Variants in FBLN2 observed in about 807,000 individuals in gnomAD.
The protein encoded by FBLN2 is fibulin-2.
FBLN2 carries 81 observed loss-of-function variants against 123.7 expected under a neutral mutation model. The ratio of observed to expected loss-of-function variants is 0.65; its 90% CI spans 0.55 to 0.79. The LOEUF (loss-of-function observed/expected upper bound fraction) is 0.79, where lower values mean the gene tolerates loss of function less well. FBLN2 is among the 30% of genes least tolerant of loss of function. FBLN2 has a pLI of 0.00. For synonymous variants in FBLN2, 699 were observed against 701.4 expected (o/e 1.00, Z 0.05); for missense variants, 1,603 against 1,681.3 (o/e 0.95, Z 0.81).
At chr3:13,586,972 C>T (rs1429899841) in intron 2 of FBLN2, among the ~76,000 whole-genome samples, 9 of 150,870 alleles carry the variant, frequency 6.0e-5, no homozygotes, top group Admixed American at 5.9e-4. Flanking sequence ...TGGTAAAACC[C>T]CATCTCTACT....
intron 16 of FBLN2, among the ~76,000 whole-genome samples, chr3:13,635,109 CTCTG>C (rs541485993): frequency 3.5e-4 from 54 of 152,330 alleles, no homozygotes; most frequent in African/African-American, 1.3e-3. Flanking sequence ...CCACACCCTC[CTCTG>C]TCTGAGGAAG....
intron 3 of FBLN2, among the ~76,000 whole-genome samples, chr3:13,608,421 C>A (rs556808822): frequency 1.3e-5 from 2 of 152,206 alleles, no homozygotes; most frequent in East Asian, 3.8e-4. Context: ...GAGCAAGATC[C>A]GAGGAATGTA....
intron 2 of FBLN2, among the ~76,000 whole-genome samples, chr3:13,580,641 G>A (rs866040250): frequency 2.0e-5 from 3 of 152,176 alleles, no homozygotes; most frequent in South Asian, 2.1e-4. Context: ...CACCCACCTC[G>A]TCTGATGGTT....
intron 2 of FBLN2, among the ~76,000 whole-genome samples, chr3:13,603,487 G>A (rs2124873472): frequency 6.7e-6 from 1 of 149,374 alleles, no homozygotes; most frequent in East Asian, 2.0e-4. Context: ...AACATGCAGT[G>A]TTGGTTTTCT....
At chr3:13,561,793 G>A (rs957287915) in intron 1 of FBLN2, among the ~76,000 whole-genome samples, 1 of 152,112 alleles carries the variant, frequency 6.6e-6, no homozygotes, top group Non-Finnish European at 1.5e-5. Context: ...TGGGCTGGCC[G>A]GTAGCAACTG....
At chr3:13,607,795 A>T (rs897841947) in intron 2 of FBLN2, among the ~76,000 whole-genome samples, 2 of 152,018 alleles carry the variant, frequency 1.3e-5, no homozygotes, top group Admixed American at 1.3e-4. Context: ...CCCCCATAGA[A>T]CTGGCTGCTT....
At chr3:13,596,508 A>G (rs959410508) in intron 2 of FBLN2, among the ~76,000 whole-genome samples, 4 of 152,250 alleles carry the variant, frequency 2.6e-5, no homozygotes, top group Non-Finnish European at 5.9e-5. Flanking sequence ...CCCTACAAGG[A>G]GAATTGCAGG....
chr3:13,634,533 G>C (rs1035322438), intron 16 of FBLN2, among the ~76,000 whole-genome samples: 4 of 152,262 alleles, frequency 2.6e-5, no homozygotes, highest in Non-Finnish European at 5.9e-5. Context: ...AGGGTCACTG[G>C]AGCGGGCCAC....
chr3:13,602,670 AT>A (rs1705071550), intron 2 of FBLN2, among the ~76,000 whole-genome samples: 2 of 152,126 alleles, frequency 1.3e-5, no homozygotes, highest in Non-Finnish European at 2.9e-5. Context: ...TTGAATGGGA[AT>A]TTTTTCCTAT....
In FBLN2 at chr3:13,604,695, C is replaced by G. The variant is rs75100043; in HGVS notation, c.1307-3367C>G. ...CAGTGGGGGATGTGTCTAATGTTCC[C>G]CCATTGAGTATGATGTTTGCTATGT... On this transcript the variant is annotated intron_variant, in intron 2 of 17. Transcript: ENST00000404922. Among the ~76,000 whole-genome samples, 457 of 152,248 alleles carry G rather than the reference C, an allele frequency of 3.0e-3. 3 individuals are homozygous for G. The highest frequency in any genetic ancestry group is 0.011 in the African/African-American group (444 of 41,540).
intron 2 of FBLN2, among the ~76,000 whole-genome samples, chr3:13,584,896 T>C (rs1350487814): frequency 6.6e-6 from 1 of 152,182 alleles, no homozygotes; most frequent in African/African-American, 2.4e-5. Context: ...AGATGCCATG[T>C]TGGCGGTGGG....
chr3:13,627,142 TA>T (rs1480525200), intron 10 of FBLN2, among the ~76,000 whole-genome samples: 1 of 151,620 alleles, frequency 6.6e-6, no homozygotes, highest in Non-Finnish European at 1.5e-5. Context: ...GGGGCCCCTG[TA>T]AGTGGTGGGT....
intron 4 of FBLN2, among the ~76,000 whole-genome samples, chr3:13,610,411 G>A (rs1206923488): frequency 3.3e-5 from 5 of 152,158 alleles, no homozygotes; most frequent in Admixed American, 3.3e-4. Flanking sequence ...GGTGGGATTG[G>A]GATGGGGTAA....
At position 13,614,226 on chromosome 3, in the gene FBLN2, C is replaced by T; in HGVS notation, c.1729+62C>T. ...CGAAGGCTGGTTGACCTCTGGCCTT[C>T]TGTGGGGACCCTGGGTCCATCATCA... On this transcript the variant is annotated intron_variant, in intron 5 of 17. Coordinates refer to ENST00000404922, the MANE Select transcript of FBLN2 (RefSeq NM_001004019.2). 2.0e-6 allele frequency: 3 copies of T among 1,521,152 alleles called. No homozygotes were observed. The East Asian group carries it at 6.9e-5, about 35-fold the overall frequency. The allele number at this position is 1,521,152 out of a possible 1,614,324, so 94.2% of individuals were successfully genotyped here.
chr3:13,629,281 G>T lies in FBLN2; in HGVS notation c.2831G>T (p.Arg944Leu), dbSNP rs368476825. ...KAGFQRDAFG[R>L]GCIDVNECWA... The stretch of plus-strand genomic sequence containing the variant: ...GGCTTTCAGCGGGATGCCTTTGGCC[G>T]GGGCTGCATCGGTAGGTAGGCTGGT... Residue 944 changes from arginine to leucine, a missense_variant, in exon 13 of 18, where the codon CGG becomes CTG. Coordinates refer to ENST00000404922, the MANE Select transcript of FBLN2 (RefSeq NM_001004019.2). 1.9e-6 allele frequency: 3 copies of T among 1,608,814 alleles called. No homozygotes were observed. Among genetic ancestry groups the T allele is most frequent in the Non-Finnish European group, 2.5e-6 (3 of 1,178,426 alleles).
intron 1 of FBLN2, among the ~76,000 whole-genome samples, chr3:13,569,387 G>A (rs1703848747): frequency 6.6e-6 from 1 of 152,118 alleles, no homozygotes; most frequent in Non-Finnish European, 1.5e-5. Flanking sequence ...AGGCCAGACT[G>A]GGTTCCCTGG....
At chr3:13,637,445 G>C in intron 17 of FBLN2, 117 bp from the exon 18 acceptor site, 1 of 937,876 alleles carries the variant, frequency 1.1e-6, no homozygotes, top group South Asian at 1.7e-5. Flanking sequence ...GAGGCTTCCC[G>C]GCCATTAGGG....
chr3:13,621,054 C>A (rs999407744), intron 8 of FBLN2, among the ~76,000 whole-genome samples: 16 of 152,216 alleles, frequency 1.1e-4, no homozygotes, highest in African/African-American at 3.6e-4. Context: ...CCTTTGGGCC[C>A]AGCCCTGTGA....
At position 13,549,144 on chromosome 3, in the gene FBLN2, C is replaced by G. The variant is rs1703254090; in HGVS notation, c.-106C>G. On this transcript the variant is annotated 5_prime_UTR_variant, in exon 1 of 18. Coordinates refer to ENST00000404922, the MANE Select transcript of FBLN2 (RefSeq NM_001004019.2). The stretch of plus-strand genomic sequence containing the variant: ...CCGCGCGCACACAGCCAGGGGCCGC[C>G]CGGGCTCTCGACGCGCCGACGGCCG... 3.1e-6 allele frequency: 3 copies of G among 982,938 alleles called. No homozygotes were observed. The highest frequency in any genetic ancestry group is 2.4e-6 in the Non-Finnish European group (2 of 828,984). The allele number at this position is 982,938 out of a possible 1,614,324, so 60.9% of individuals were successfully genotyped here.
Sources: allele counts gnomAD v4.1 joint callset (sites outside exome capture counted in the v4.1 genomes callset), GRCh38; gene constraint gnomAD v4.1.1; transcripts MANE v1.5; gene names NCBI Gene and HGNC (gene_info 2026-07-23, HGNC 2026-07-21).